GMPR: variants seen among roughly 807,000 people sequenced by gnomAD.
GMPR encodes the protein guanosine monophosphate reductase.
GMPR carries 31 observed loss-of-function variants against 38.4 expected under a neutral mutation model. The ratio of observed to expected loss-of-function variants is 0.81; its 90% CI spans 0.61 to 1.09. The LOEUF is 1.09. Ranked by LOEUF, GMPR falls within the 50% of genes least tolerant of loss-of-function variation. GMPR has a pLI of 0.00. For missense variants in GMPR, 468 were observed against 453.7 expected, an observed-to-expected ratio of 1.03 and a Z score of -0.29; for synonymous variants, 162 against 173.3, an observed-to-expected ratio of 0.93 and a Z score of 0.51.
intron 3 of GMPR, among the ~76,000 whole-genome samples, chr6:16,253,614 A>T (rs911464599): frequency 6.8e-6 from 1 of 146,442 alleles, no homozygotes. Flanking sequence ...CCCCACCTCC[A>T]CTGGGGGGGG....
chr6:16,267,935 T>C (rs886289904), intron 4 of GMPR, among the ~76,000 whole-genome samples: 1 of 152,246 alleles, frequency 6.6e-6, no homozygotes, highest in Non-Finnish European at 1.5e-5. Flanking sequence ...TGATGGCTCA[T>C]TGGCCTGCCC....
intron 7 of GMPR, among the ~76,000 whole-genome samples, chr6:16,286,779 G>A (rs1348413169): frequency 2.0e-5 from 3 of 151,768 alleles, no homozygotes; most frequent in Non-Finnish European, 2.9e-5. Flanking sequence ...GGTGGTGCAC[G>A]CCTGTAATCC....
At chr6:16,289,147 C>T (rs1351088412) in intron 7 of GMPR, among the ~76,000 whole-genome samples, 2 of 152,182 alleles carry the variant, frequency 1.3e-5, no homozygotes, top group Admixed American at 6.5e-5. Context: ...ATGAGCTGTG[C>T]TATTTGCCGG....
intron 4 of GMPR, among the ~76,000 whole-genome samples, chr6:16,266,693 C>T (rs1045989343): frequency 3.3e-5 from 5 of 151,512 alleles, no homozygotes; most frequent in Non-Finnish European, 7.4e-5. Context: ...CGCCTGTAGT[C>T]CCAGCTACTC....
At position 16,284,245 on chromosome 6, in the gene GMPR, T is replaced by C. The variant is rs578158644; in HGVS notation, c.655-1548T>C. Among the ~76,000 whole-genome samples the C allele has an allele frequency of 7.2e-5, 11 of 152,334 alleles. 1 individual carries two copies. The South Asian group carries it at 1.5e-3, about 20-fold the overall frequency. On this transcript the variant is annotated intron_variant, in intron 6 of 8. Transcript: ENST00000259727. ...GCTGCAAAGAAGTAGTGAAATAGTATTGGAGTTCTAGCTCCTGGAGTGACA... is the reference window on the plus strand; with the variant it reads ...GCTGCAAAGAAGTAGTGAAATAGTACTGGAGTTCTAGCTCCTGGAGTGACA...
rs559067497 is a variant in GMPR, at chr6:16,265,064, G to A, written c.466-9351G>A. ...GGAGGAAAGAGAATAATGTGTTCTC[G>A]GGTACATTCTCAGTACTGTGTAAAA... On this transcript the variant is annotated intron_variant, in intron 4 of 8. Coordinates refer to ENST00000259727, the MANE Select transcript of GMPR (RefSeq NM_006877.4). Among the ~76,000 whole-genome samples, 14 of 152,212 alleles carry A rather than the reference G, an allele frequency of 9.2e-5. No individual in the cohort carries two copies. The South Asian group carries it at 1.9e-3, about 20-fold the overall frequency.
chr6:16,269,427 C>T (rs1759338592), intron 4 of GMPR, among the ~76,000 whole-genome samples: 1 of 152,044 alleles, frequency 6.6e-6, no homozygotes, highest in South Asian at 2.1e-4. Flanking sequence ...TTATTTTTGC[C>T]CAGAGACCTT....
intron 5 of GMPR, among the ~76,000 whole-genome samples, chr6:16,275,629 C>T (rs139329760): frequency 4.6e-5 from 7 of 152,262 alleles, no homozygotes; most frequent in Admixed American, 4.6e-4. Flanking sequence ...GATAAGGCCT[C>T]GTTCTTCCTT....
At chr6:16,286,666 T>C (rs1440983838) in intron 7 of GMPR, among the ~76,000 whole-genome samples, 1 of 152,088 alleles carries the variant, frequency 6.6e-6, no homozygotes, top group Non-Finnish European at 1.5e-5. Context: ...ATCCCAGCAC[T>C]TTGGGAGGCC....
At chr6:16,281,410 C>T (rs1211773924) in intron 6 of GMPR, among the ~76,000 whole-genome samples, 1 of 152,238 alleles carries the variant, frequency 6.6e-6, no homozygotes, top group Non-Finnish European at 1.5e-5. Flanking sequence ...CATCCCAAGC[C>T]TGGGGCACTG....
chr6:16,286,486 T>C (rs1439878016), intron 7 of GMPR, among the ~76,000 whole-genome samples: 1 of 151,708 alleles, frequency 6.6e-6, no homozygotes, highest in Non-Finnish European at 1.5e-5. Flanking sequence ...GAAATGGGCG[T>C]TGTGGGTGCC....
At chr6:16,272,547 T>C (rs1367817164) in intron 4 of GMPR, among the ~76,000 whole-genome samples, 2 of 152,258 alleles carry the variant, frequency 1.3e-5, no homozygotes, top group African/African-American at 4.8e-5. Context: ...GATAATTTGT[T>C]AAGTGAAAAG....
At position 16,253,834 on chromosome 6, in the gene GMPR, CCTT is replaced by C. The variant is rs202193735; in HGVS notation, c.292-723_292-721del. 3.2e-3 allele frequency among the ~76,000 whole-genome samples: 483 copies of C among 152,320 alleles called. 11 individuals are homozygous for C. Among genetic ancestry groups the C allele is most frequent in the Admixed American group, 0.029 (443 of 15,300 alleles). ...AAGCCCGAGTTGATTGGCCATTTCT[CCTT>C]CTTCCTGGAAACTTTTGGTTCTTGC... On this transcript the variant is annotated intron_variant, in intron 3 of 8. Coordinates refer to ENST00000259727, the MANE Select transcript of GMPR (RefSeq NM_006877.4).
chr6:16,238,619 G>T lies in GMPR; in HGVS notation c.-75G>T, dbSNP rs549342881. 2.2e-6 allele frequency: 1 copy of T among 453,864 alleles called. No homozygotes were observed. The highest frequency in any genetic ancestry group is 3.0e-6 in the Non-Finnish European group (1 of 331,076). 28.1% of individuals were successfully genotyped at this position (453,864 alleles called of 1,614,324 possible). On this transcript the variant is annotated 5_prime_UTR_variant, in exon 1 of 9. Transcript: ENST00000259727. ...CTCCCGGCCGCGGCACAGCAGCCCC[G>T]GCGCTCCCCGCGCCGCCCCGCGCAG...
intron 1 of GMPR, among the ~76,000 whole-genome samples, chr6:16,244,614 C>A (rs1003149160): frequency 1.3e-5 from 2 of 152,032 alleles, no homozygotes; most frequent in African/African-American, 4.8e-5. Context: ...GGGGAGGGGA[C>A]TTTGTTACTT....
chr6:16,254,505 G>A, intron 3 of GMPR, 57 bp from the exon 4 acceptor site: 1 of 1,450,526 alleles, frequency 6.9e-7, no homozygotes, highest in Non-Finnish European at 9.7e-7. Context: ...ATGGGGGCAG[G>A]GTCTGATGTC....
intron 4 of GMPR, among the ~76,000 whole-genome samples, chr6:16,267,873 G>A (rs1265034485): frequency 6.6e-6 from 1 of 152,346 alleles, no homozygotes; most frequent in South Asian, 2.1e-4. Flanking sequence ...CAGATCTCCG[G>A]GAGCCATGGG....
rs201242562 is a variant in GMPR, at chr6:16,278,766, A to G, written c.548-18A>G. On this transcript the variant is annotated intron_variant, in intron 5 of 8. Transcript: ENST00000259727. ...ATGTATAACCATCTATTTGGGGACA[A>G]CTTCTTTCTCTGTGCAGGTTCTGTG... is the stretch of plus-strand genomic sequence containing the variant. 4 of 1,567,244 alleles carry G rather than the reference A, an allele frequency of 2.6e-6. No individual in the cohort carries two copies. In the South Asian group the frequency reaches 3.3e-5, roughly 13 times the overall value.
intron 6 of GMPR, 139 bp from the exon 7 acceptor site, chr6:16,285,654 G>A: frequency 2.9e-6 from 2 of 699,660 alleles, no homozygotes; most frequent in South Asian, 1.6e-5. Flanking sequence ...AACAGCCGTG[G>A]TAGGGGAACT....
Sources: gnomAD v4.1 joint callset for allele counts (sites outside exome capture counted in the v4.1 genomes callset) on GRCh38, gnomAD v4.1.1 for gene constraint, MANE v1.5 for transcripts, NCBI Gene and HGNC (gene_info 2026-07-23, HGNC 2026-07-21) for gene names.